Variants in PLK4 observed in about 807,000 individuals in gnomAD.
PLK4 encodes serine/threonine-protein kinase PLK4.
A neutral mutation model predicts 103.0 loss-of-function variants in PLK4; 51 were observed. The observed-to-expected ratio is 0.50, with a 90% CI of 0.40 to 0.63. The LOEUF is 0.63. Among genes scored for constraint, PLK4 ranks in the 20% least tolerant of loss-of-function variants. The probability of loss-of-function intolerance (pLI) is 0.00; values close to 1 mark genes in which losing one functional copy is unlikely to be tolerated. For synonymous variants in PLK4, 389 were observed against 376.8 expected (o/e 1.03, Z -0.38); for missense variants, 1,054 against 1,151.0 (o/e 0.92, Z 1.22).
chr4:127,898,469 C>A lies in PLK4; in HGVS notation c.2841C>A (p.Tyr947Ter). ...GAGAAAATGAAAAATTACCAGACTA[C>A]ATCAAACAGAAATTACAGTGTCTGT... ...RYGENEKLPDYIKQKLQCLSS... is the reference protein window; with the variant it reads ...RYGENEKLPD Residue 947 changes from tyrosine to a stop codon, truncating the protein, a stop_gained, in exon 16 of 16, where the codon TAC becomes TAA. Transcript: ENST00000270861. LOFTEE classifies it high-confidence loss of function. 1.9e-6 allele frequency: 3 copies of A among 1,574,800 alleles called. No individual in the cohort carries two copies. Among genetic ancestry groups the A allele is most frequent in the Non-Finnish European group, 2.6e-6 (3 of 1,149,354 alleles).
intron 9 of PLK4, 134 bp downstream of exon 9, chr4:127,891,815 T>C (rs1735371279): frequency 2.6e-6 from 1 of 390,592 alleles, no homozygotes; most frequent in Non-Finnish European, 4.6e-6. Context: ...TTGTACTTTG[T>C]TTCTGGTGAG....
intron 14 of PLK4, among the ~76,000 whole-genome samples, chr4:127,895,449 TTTC>T (rs1192674316): frequency 3.7e-5 from 5 of 135,128 alleles, no homozygotes; most frequent in African/African-American, 5.6e-5. Context: ...GTAGAGTAAC[TTTC>T]TTTTTTTTTT....
chr4:127,887,981 A>C (rs895537894), intron 6 of PLK4, among the ~76,000 whole-genome samples: 3 of 151,148 alleles, frequency 2.0e-5, no homozygotes, highest in African/African-American at 7.3e-5. Flanking sequence ...GGCATTCGAG[A>C]CCACCCTGGC....
At chr4:127,897,628 T>C (rs1278928287) in intron 15 of PLK4, among the ~76,000 whole-genome samples, 1 of 152,110 alleles carries the variant, frequency 6.6e-6, no homozygotes. Flanking sequence ...TAACTATGTT[T>C]CAAGTGAGAG....
chr4:127,882,357 C>CA (rs1370050702), intron 2 of PLK4, among the ~76,000 whole-genome samples: 1 of 152,192 alleles, frequency 6.6e-6, no homozygotes. Context: ...GGGTGGCTCA[C>CA]ACCTGTAATC....
Position 127,894,151 on chromosome 4 carries a change from C to G in PLK4, c.2562+270C>G, listed in dbSNP as rs183539987. Among the ~76,000 whole-genome samples, 153 of 152,250 alleles carry G rather than the reference C, an allele frequency of 1.0e-3. 1 individual carries two copies. The highest frequency in any genetic ancestry group is 1.8e-3 in the Non-Finnish European group (122 of 68,020). ...CTTTATATGTGTAAGTCTTATTTTT[C>G]AAGTCTCTGTTTAAATGTTACCTCA... On this transcript the variant is annotated intron_variant, in intron 13 of 15. Transcript: ENST00000270861.
At chr4:127,890,980 G>T (rs1735333217) in intron 7 of PLK4, 112 bp from the exon 8 acceptor site, 1 of 571,696 alleles carries the variant, frequency 1.7e-6, no homozygotes, top group South Asian at 3.0e-5. Context: ...CTTTGATTTT[G>T]ACTTCAATAT....
intron 2 of PLK4, 78 bp from the exon 3 acceptor site, chr4:127,883,184 G>A (rs1214023395): frequency 5.5e-6 from 4 of 730,380 alleles, no homozygotes; most frequent in Non-Finnish European, 9.3e-6. Flanking sequence ...CTATTTTAAA[G>A]TATACTTTAT....
chr4:127,883,230 A>G (rs1241212487), intron 2 of PLK4, 32 bp from the exon 3 acceptor site: 2 of 1,091,546 alleles, frequency 1.8e-6, no homozygotes, highest in Non-Finnish European at 2.8e-6. Flanking sequence ...TATATTTGAA[A>G]GTCTGTCAAC....
Position 127,881,452 on chromosome 4 carries a change from A to G in PLK4, c.30+288A>G, listed in dbSNP as rs937342893. The G allele has an allele frequency of 4.6e-5, 59 of 1,271,492 alleles. No homozygotes were observed. In the African/African-American group the frequency reaches 8.4e-4, roughly 18 times the overall value. The allele number at this position is 1,271,492 out of a possible 1,614,324, so 78.8% of individuals were successfully genotyped here. ...CCCGCCCGAGCTACCGCGTTAGAGC[A>G]GGGCAGGGCTACCTCCCACTTCTCC... On this transcript the variant is annotated intron_variant, in intron 1 of 15. Coordinates refer to ENST00000270861, the MANE Select transcript of PLK4 (RefSeq NM_014264.5).
intron 2 of PLK4, among the ~76,000 whole-genome samples, chr4:127,882,208 CAAAT>C (rs1436248405): frequency 2.0e-5 from 3 of 151,946 alleles, no homozygotes; most frequent in Admixed American, 6.6e-5. Flanking sequence ...AATCAACTAA[CAAAT>C]AATTTGTTTA....
chr4:127,897,823 G>GC (rs1560703292), intron 15 of PLK4, among the ~76,000 whole-genome samples: 42 of 37,130 alleles, frequency 1.1e-3, no homozygotes, highest in African/African-American at 3.8e-3. Flanking sequence ...TAGAATTAGG[G>GC]CTTTTTTTTT....
intron 5 of PLK4, 80 bp downstream of exon 5, chr4:127,886,808 G>A (rs1735153654): frequency 1.3e-6 from 1 of 792,344 alleles, no homozygotes; most frequent in Non-Finnish European, 1.9e-6. Context: ...TGTAAGCGGG[G>A]GGATACCAGG....
chr4:127,883,222 T>C (rs1734994081), intron 2 of PLK4, 40 bp from the exon 3 acceptor site: 1 of 1,012,104 alleles, frequency 9.9e-7, no homozygotes, highest in African/African-American at 1.6e-5. Context: ...AAGCAGTTTA[T>C]ATTTGAAAGT....
intron 4 of PLK4, among the ~76,000 whole-genome samples, chr4:127,885,104 A>AG (rs1735068322): frequency 1.3e-5 from 2 of 152,152 alleles, no homozygotes; most frequent in African/African-American, 4.8e-5. Flanking sequence ...CTAAAAAAAA[A>AG]GTAGGCTTCT....
chr4:127,893,783 G>A lies in PLK4; in HGVS notation c.2464G>A (p.Val822Met), dbSNP rs368912510. ...TAAGGCCTTATCACCTCCTCCTTCT[G>A]TGGATTCAAATTACCCAACGAGAGA... ...SPKALSPPPS[V>M]DSNYPTRERA... Residue 822 changes from valine (V) to methionine (M), a missense_variant, in exon 13 of 16, where the codon GTG (valine) becomes ATG (methionine). By Grantham distance (21) the Val-to-Met change is conservative. This residue lies in a region of PLK4 where 167 missense variants were observed against 200.7 expected (regional missense o/e 0.83). Transcript: ENST00000270861. The A allele has an allele frequency of 4.3e-6, 7 of 1,613,228 alleles. No homozygotes were observed. Among genetic ancestry groups the A allele is most frequent in the African/African-American group, 1.3e-5 (1 of 74,856 alleles).
intron 7 of PLK4, among the ~76,000 whole-genome samples, chr4:127,890,486 G>A (rs1169398981): frequency 6.6e-6 from 1 of 152,018 alleles, no homozygotes; most frequent in Admixed American, 6.6e-5. Flanking sequence ...AGATTTGAAT[G>A]AAAAACATTT....
Position 127,895,025 on chromosome 4 carries a change from G to A in PLK4, c.2635G>A (p.Asp879Asn). The A allele has an allele frequency of 1.2e-6, 2 of 1,611,378 alleles. No homozygotes were observed. The highest frequency in any genetic ancestry group is 1.7e-6 in the Non-Finnish European group (2 of 1,178,172). The change falls in exon 14 of 16, where the codon GAT (aspartate) becomes AAT (asparagine). Residue 879 changes from aspartate (D) to asparagine (N), a missense_variant. Physicochemically the swap from Asp to Asn is conservative, Grantham distance 23. Around this residue, in one of 4 missense-constraint regions of PLK4, gnomAD observed 167 missense variants for 200.7 expected, o/e 0.83. Transcript: ENST00000270861. The part of the protein sequence containing the change: ...GTDISSNSLK[D>N]CLPKSAQLLK... ...AGACATCTCTTCTAATAGTCTAAAA[G>A]ATTGTCTTCCTAAATCAGCACAACT... is the stretch of plus-strand genomic sequence containing the variant.
At chr4:127,883,643 A>G in intron 4 of PLK4, 90 bp downstream of exon 4, 1 of 599,650 alleles carries the variant, frequency 1.7e-6, no homozygotes, top group South Asian at 2.3e-5. Context: ...GCTATTTTAT[A>G]ATATATAGTA....
Sources: allele counts gnomAD v4.1 joint callset (sites outside exome capture counted in the v4.1 genomes callset), GRCh38; gene constraint gnomAD v4.1.1; regional missense constraint gnomAD v4.1.1; transcripts MANE v1.5; gene names NCBI Gene and HGNC (gene_info 2026-07-23, HGNC 2026-07-21).